Variants in SLC26A7 observed in about 807,000 individuals in gnomAD.
The protein encoded by SLC26A7 is anion exchange transporter.
Under a neutral mutation model 82.5 loss-of-function variants are expected in SLC26A7, and 59 were observed. The ratio of observed to expected loss-of-function variants is 0.72; its 90% CI spans 0.58 to 0.89. The LOEUF is 0.89. Ranked by LOEUF, SLC26A7 falls within the 40% of genes least tolerant of loss-of-function variation. SLC26A7 has a pLI of 0.00. For missense variants in SLC26A7, 820 were observed against 793.0 expected, an observed-to-expected ratio of 1.03 and a Z score of -0.41; for synonymous variants, 271 against 274.3, an observed-to-expected ratio of 0.99 and a Z score of 0.12.
intron 2 of SLC26A7, among the ~76,000 whole-genome samples, chr8:91,234,825 C>CCT (rs1563637500): frequency 0.027 from 2,300 of 86,172 alleles, 41 homozygotes; most frequent in Admixed American, 0.061. Context: ...ACCTACCTAC[C>CCT]TACTTCCTTC....
chr8:91,305,141 A>G (rs1365347545), intron 4 of SLC26A7, among the ~76,000 whole-genome samples: 1 of 152,206 alleles, frequency 6.6e-6, no homozygotes. Flanking sequence ...AACAGCTGGT[A>G]CTTAATAAAT....
At chr8:91,378,267 A>G (rs1424578127) in intron 15 of SLC26A7, among the ~76,000 whole-genome samples, 1 of 151,220 alleles carries the variant, frequency 6.6e-6, no homozygotes, top group Non-Finnish European at 1.5e-5. Context: ...TTAGGATTAT[A>G]TAAGGTCATA....
At chr8:91,390,942 A>G (rs1814950017) in intron 16 of SLC26A7, among the ~76,000 whole-genome samples, 1 of 152,108 alleles carries the variant, frequency 6.6e-6, no homozygotes, top group Non-Finnish European at 1.5e-5. Flanking sequence ...CCAGTTGTGT[A>G]CTTCTTTGTG....
At chr8:91,394,635 G>A (rs2130911534) in intron 18 of SLC26A7, 2 of 1,138,122 alleles carry the variant, frequency 1.8e-6, no homozygotes, top group South Asian at 5.9e-5. Context: ...GCCTCGCAGA[G>A]TCATCCCTAT....
intron 15 of SLC26A7, among the ~76,000 whole-genome samples, chr8:91,375,073 T>G (rs1027174692): frequency 3.9e-5 from 6 of 152,046 alleles, no homozygotes; most frequent in African/African-American, 1.4e-4. Flanking sequence ...TTCTTTTATG[T>G]TTTTCATTTG....
chr8:91,210,033 T>TC (rs1200607160), intron 1 of SLC26A7, among the ~76,000 whole-genome samples: 1 of 152,194 alleles, frequency 6.6e-6, no homozygotes, highest in African/African-American at 2.4e-5. Flanking sequence ...AGAAGCATTG[T>TC]CATAAAGCAT....
At chr8:91,212,924 C>T (rs1262074334) in intron 1 of SLC26A7, among the ~76,000 whole-genome samples, 1 of 152,160 alleles carries the variant, frequency 6.6e-6, no homozygotes, top group Non-Finnish European at 1.5e-5. Flanking sequence ...GTCTTGATTA[C>T]TTTTACTCCT....
At chr8:91,358,768 C>G (rs957329722) in intron 11 of SLC26A7, among the ~76,000 whole-genome samples, 7 of 152,166 alleles carry the variant, frequency 4.6e-5, no homozygotes, top group Non-Finnish European at 8.8e-5. Context: ...ATGATGAGTT[C>G]ATGTCCTTTG....
At position 91,393,846 on chromosome 8, in the gene SLC26A7, G is replaced by A; in HGVS notation, c.1826G>A (p.Cys609Tyr). 6.2e-7 allele frequency: 1 copy of A among 1,613,626 alleles called. No individual in the cohort carries two copies. The change falls in exon 17 of 19, where the codon TGT becomes TAT. Residue 609 changes from cysteine to tyrosine, a missense_variant. Coordinates refer to ENST00000276609, the MANE Select transcript of SLC26A7 (RefSeq NM_052832.4). The part of the protein sequence containing the change: ...GRSVDVLLAH[C>Y]TASLIKAMTY... ...AGTGTGGATGTATTGTTAGCCCATT[G>A]TACAGGTAAGAGAATGTCCCTGACT...
chr8:91,330,180 G>A (rs1027926801), intron 5 of SLC26A7, among the ~76,000 whole-genome samples: 1 of 152,074 alleles, frequency 6.6e-6, no homozygotes, highest in African/African-American at 2.4e-5. Context: ...ATAAAAGGGG[G>A]TCTGGATAGC....
At chr8:91,384,217 G>C (rs1347678979) in intron 15 of SLC26A7, among the ~76,000 whole-genome samples, 1 of 152,086 alleles carries the variant, frequency 6.6e-6, no homozygotes, top group Non-Finnish European at 1.5e-5. Flanking sequence ...TCATATCCTT[G>C]CCCTTTCCAA....
intron 2 of SLC26A7, among the ~76,000 whole-genome samples, chr8:91,283,913 C>G (rs1259536987): frequency 6.6e-6 from 1 of 152,066 alleles, no homozygotes; most frequent in African/African-American, 2.4e-5. Flanking sequence ...TTTCTCAAAT[C>G]CTAGAGTTCC....
At chr8:91,343,307 G>C (rs1586433001) in intron 8 of SLC26A7, 46 bp from the exon 9 acceptor site, 1 of 1,252,260 alleles carries the variant, frequency 8.0e-7, no homozygotes, top group African/African-American at 1.5e-5. Flanking sequence ...GTCTCTAAAA[G>C]TCTATTGTGA....
At chr8:91,266,576 A>T (rs1471827046) in intron 2 of SLC26A7, among the ~76,000 whole-genome samples, 6 of 151,290 alleles carry the variant, frequency 4.0e-5, no homozygotes, top group African/African-American at 1.2e-4. Context: ...TTTTTGATTG[A>T]TGTATATTGA....
intron 9 of SLC26A7, among the ~76,000 whole-genome samples, chr8:91,349,877 T>C (rs1271372921): frequency 6.6e-6 from 1 of 152,202 alleles, no homozygotes; most frequent in Admixed American, 6.6e-5. Context: ...AATCACTGAC[T>C]GAGCTCTCTG....
At chr8:91,230,292 A>G (rs1450735535) in intron 2 of SLC26A7, among the ~76,000 whole-genome samples, 2 of 152,204 alleles carry the variant, frequency 1.3e-5, no homozygotes, top group African/African-American at 4.8e-5. Flanking sequence ...GCTGCCAGTT[A>G]TGTTCTAGAC....
chr8:91,362,525 A>G (rs17722765), intron 12 of SLC26A7, 66 bp downstream of exon 12: 229,180 of 1,182,534 alleles, frequency 0.19, 24,587 homozygotes, highest in Middle Eastern at 0.24. Context: ...TACTTGCCAT[A>G]TGGTACTTGC....
chr8:91,318,278 C>T lies in SLC26A7; in HGVS notation c.540C>T (p.Ser180=), dbSNP rs774105454. Residue 180 remains serine, a synonymous_variant, in exon 5 of 19, where the codon AGC becomes AGT. Transcript: ENST00000276609. ...TTGTGGTCACAGAGCCTGTGATCAGCGCAATGACAACTGGGGCTGCCACCC... is the reference window on the plus strand; with the variant it reads ...TTGTGGTCACAGAGCCTGTGATCAGTGCAATGACAACTGGGGCTGCCACCC... ...ATFVVTEPVI[S]AMTTGAATHV... is the part of the protein sequence containing the mutation. 44 of 1,612,130 alleles carry T rather than the reference C, an allele frequency of 2.7e-5. No homozygotes were observed. The highest frequency in any genetic ancestry group is 1.1e-4 in the South Asian group (10 of 90,832).
intron 7 of SLC26A7, 50 bp from the exon 8 acceptor site, chr8:91,340,354 C>T: frequency 1.3e-6 from 2 of 1,589,168 alleles, no homozygotes; most frequent in African/African-American, 1.3e-5. Context: ...CAAGTTGTTA[C>T]AGAAATTACA....
Sources: gnomAD v4.1 joint callset for allele counts (sites outside exome capture counted in the v4.1 genomes callset) on GRCh38, gnomAD v4.1.1 for gene constraint, MANE v1.5 for transcripts, NCBI Gene and HGNC (gene_info 2026-07-23, HGNC 2026-07-21) for gene names.